Variants in TNPO1 observed in about 807,000 individuals in gnomAD.
TNPO1 encodes the protein transportin-1.
TNPO1 carries 8 observed loss-of-function variants against 119.5 expected under a neutral mutation model. That is an observed-to-expected ratio of 0.07 (90% CI 0.04 to 0.12). The LOEUF (loss-of-function observed/expected upper bound fraction) is 0.12. TNPO1 is among the 10% of genes least tolerant of loss of function. The probability of loss-of-function intolerance (pLI) is 1.00; values close to 1 mark genes in which losing one functional copy is unlikely to be tolerated. For synonymous variants in TNPO1, 362 were observed against 363.0 expected, an observed-to-expected ratio of 1.00 and a Z score of 0.03; for missense variants, 576 against 1,089.8, an observed-to-expected ratio of 0.53 and a Z score of 6.64.
At chr5:72,825,669 A>C (rs1158584753) in intron 1 of TNPO1, 1 of 152,358 alleles carries the variant, frequency 6.6e-6, no homozygotes, top group South Asian at 2.1e-4. Flanking sequence ...CCTGGGTGAC[A>C]GGGTGAGACT....
chr5:72,847,418 A>G (rs1485376064), intron 1 of TNPO1, among the ~76,000 whole-genome samples: 2 of 152,352 alleles, frequency 1.3e-5, no homozygotes, highest in East Asian at 3.9e-4. Flanking sequence ...TTAAAAACCT[A>G]TATTCGTGTC....
chr5:72,876,086 C>T (rs1225194508), intron 8 of TNPO1, among the ~76,000 whole-genome samples: 1 of 152,162 alleles, frequency 6.6e-6, no homozygotes. Context: ...CACATGGCTG[C>T]ATGAGGTAGG....
At chr5:72,831,981 C>T (rs1744495717) in intron 1 of TNPO1, among the ~76,000 whole-genome samples, 1 of 151,854 alleles carries the variant, frequency 6.6e-6, no homozygotes, top group East Asian at 1.9e-4. Flanking sequence ...CATAATAGCC[C>T]CATCAGTTGA....
chr5:72,841,542 C>A (rs776901206), intron 1 of TNPO1, among the ~76,000 whole-genome samples: 20 of 151,844 alleles, frequency 1.3e-4, no homozygotes, highest in African/African-American at 4.8e-4. Flanking sequence ...TTAGTAGAGA[C>A]GGGGTTTCAC....
At position 72,910,803 on chromosome 5, in the gene TNPO1, GT is replaced by G. The variant is rs1561371625; in HGVS notation, c.*2134del. On this transcript the variant is annotated 3_prime_UTR_variant, in exon 25 of 25. Coordinates refer to ENST00000337273, the MANE Select transcript of TNPO1 (RefSeq NM_002270.4). ...TTTTTGTTACTATGTGTGTGTGTGT[GT>G]TTTGTTTTGTTTTGTTCTGTTTTTT... 1 of 151,286 alleles carries G rather than the reference GT, an allele frequency of 6.6e-6. No homozygotes were observed. The highest frequency in any genetic ancestry group is 2.4e-5 in the African/African-American group (1 of 41,318). The allele number at this position is 151,286 out of a possible 1,614,324, so 9.4% of individuals were successfully genotyped here. A position where few individuals can be genotyped will look rare whatever the true frequency, so the allele number is the denominator to read the frequency against.
intron 22 of TNPO1, among the ~76,000 whole-genome samples, chr5:72,901,814 A>C (rs184557285): frequency 1.3e-5 from 2 of 152,294 alleles, no homozygotes; most frequent in East Asian, 1.9e-4. Context: ...CCCAAGATAC[A>C]TCAAATCAAT....
At chr5:72,843,977 T>C (rs1054615064) in intron 1 of TNPO1, among the ~76,000 whole-genome samples, 3 of 152,246 alleles carry the variant, frequency 2.0e-5, no homozygotes, top group Non-Finnish European at 2.9e-5. Context: ...TACTTATCTT[T>C]GAATCTCCAA....
At chr5:72,877,771 G>A (rs1363378696) in intron 9 of TNPO1, among the ~76,000 whole-genome samples, 2 of 151,968 alleles carry the variant, frequency 1.3e-5, no homozygotes, top group Non-Finnish European at 2.9e-5. Flanking sequence ...AGTAATATAA[G>A]CTCGTGGGAA....
chr5:72,847,567 A>G (rs1745189214), intron 1 of TNPO1, among the ~76,000 whole-genome samples: 2 of 152,252 alleles, frequency 1.3e-5, no homozygotes, highest in African/African-American at 2.4e-5. Context: ...CTTTAATGGA[A>G]TTAAACACTA....
chr5:72,833,201 G>T (rs1744554403), intron 1 of TNPO1, among the ~76,000 whole-genome samples: 1 of 151,936 alleles, frequency 6.6e-6, no homozygotes, highest in Admixed American at 6.6e-5. Flanking sequence ...AGCAATATTA[G>T]ATAAAAATTC....
intron 3 of TNPO1, among the ~76,000 whole-genome samples, chr5:72,853,647 T>C (rs1269599604): frequency 7.9e-6 from 1 of 127,366 alleles, no homozygotes; most frequent in Non-Finnish European, 1.7e-5. Flanking sequence ...ATATTTCTTC[T>C]TGTGTTTATG....
At position 72,865,713 on chromosome 5, in the gene TNPO1, A is replaced by G. The variant is rs1306910570; in HGVS notation, c.580A>G (p.Ser194Gly). The G allele has an allele frequency of 6.2e-7, 1 of 1,613,560 alleles. No individual in the cohort carries two copies. Among genetic ancestry groups the G allele is most frequent in the African/African-American group, 1.3e-5 (1 of 74,912 alleles). ...IPKFLQFFKH[S>G]SPKIRSHAVA... ...CAAATTTTTACAGTTCTTCAAGCAT[A>G]GTAGTCCAAAAATAAGGTACTTATA... The change falls in exon 6 of 25, where the codon AGT becomes GGT. Residue 194 changes from serine to glycine, a missense_variant. By Grantham distance (56) the Ser-to-Gly change is moderately conservative. This residue lies in a region of TNPO1 where 310 missense variants were observed against 583.0 expected (regional missense o/e 0.53). Coordinates refer to ENST00000337273, the MANE Select transcript of TNPO1 (RefSeq NM_002270.4).
At chr5:72,866,343 G>A (rs535674153) in intron 6 of TNPO1, among the ~76,000 whole-genome samples, 1 of 152,134 alleles carries the variant, frequency 6.6e-6, no homozygotes, top group African/African-American at 2.4e-5. Context: ...GTTATTTCTG[G>A]CATAGTTAAC....
chr5:72,836,829 A>C (rs975081717), intron 1 of TNPO1, among the ~76,000 whole-genome samples: 1 of 152,196 alleles, frequency 6.6e-6, no homozygotes, highest in Non-Finnish European at 1.5e-5. Flanking sequence ...CTTCCACACA[A>C]TGCTAGGACA....
At chr5:72,831,325 A>G (rs1744451074) in intron 1 of TNPO1, among the ~76,000 whole-genome samples, 2 of 151,716 alleles carry the variant, frequency 1.3e-5, no homozygotes, top group Non-Finnish European at 1.5e-5. Flanking sequence ...AGTTCAACAT[A>G]TTGTTTGAGC....
At chr5:72,828,080 G>A (rs543347036) in intron 1 of TNPO1, among the ~76,000 whole-genome samples, 2 of 152,172 alleles carry the variant, frequency 1.3e-5, no homozygotes, top group East Asian at 3.9e-4. Context: ...AATAGAAGGG[G>A]GTCTAGGATA....
intron 22 of TNPO1, among the ~76,000 whole-genome samples, chr5:72,901,986 A>G (rs1749828886): frequency 6.6e-6 from 1 of 151,936 alleles, no homozygotes; most frequent in Non-Finnish European, 1.5e-5. Flanking sequence ...GAGGCAGGAG[A>G]ATTGCTTGAA....
At chr5:72,906,264 C>CTTTTT (rs11356390) in intron 24 of TNPO1, among the ~76,000 whole-genome samples, 1 of 90,236 alleles carries the variant, frequency 1.1e-5, no homozygotes, top group African/African-American at 4.7e-5. Context: ...GTGCCCATCA[C>CTTTTT]TTTTTTTTTT....
chr5:72,841,586 G>T (rs1249236405), intron 1 of TNPO1, among the ~76,000 whole-genome samples: 2 of 151,906 alleles, frequency 1.3e-5, no homozygotes, highest in East Asian at 1.9e-4. Flanking sequence ...TGATCCGCCC[G>T]CCTCGGCTTC....
Sources: gnomAD v4.1 joint callset for allele counts (sites outside exome capture counted in the v4.1 genomes callset) on GRCh38, gnomAD v4.1.1 for gene constraint, gnomAD v4.1.1 regional missense constraint, MANE v1.5 for transcripts, NCBI Gene and HGNC (gene_info 2026-07-23, HGNC 2026-07-21) for gene names.